Variants in GALNT17 observed in about 807,000 individuals in gnomAD.
GALNT17 encodes UDP-GalNAc:polypeptide N-acetylgalactosaminyltransferase-like 3.
Under a neutral mutation model 63.7 loss-of-function variants are expected in GALNT17, and 29 were observed. That is an observed-to-expected ratio of 0.46 (90% CI 0.34 to 0.62). The LOEUF (loss-of-function observed/expected upper bound fraction) is 0.62. GALNT17 is among the 20% of genes least tolerant of loss of function. The pLI is 0.01. For synonymous variants in GALNT17, 305 were observed against 318.3 expected (o/e 0.96, Z 0.45); for missense variants, 603 against 799.6 (o/e 0.75, Z 2.97).
intron 6 of GALNT17, among the ~76,000 whole-genome samples, chr7:71,610,300 G>C (rs1014311899): frequency 6.6e-6 from 1 of 152,022 alleles, no homozygotes; most frequent in African/African-American, 2.4e-5. Context: ...AGACCAACCT[G>C]GGCAACGTAG....
At chr7:71,245,390 C>T (rs780313095) in intron 1 of GALNT17, among the ~76,000 whole-genome samples, 12 of 152,124 alleles carry the variant, frequency 7.9e-5, no homozygotes, top group Non-Finnish European at 1.3e-4. Flanking sequence ...CTGTCATCCA[C>T]GGGTGTAAAG....
In GALNT17 at chr7:71,232,185, G is replaced by A. The variant is rs1922516; in HGVS notation, c.238+99145G>A. 7.0e-3 allele frequency among the ~76,000 whole-genome samples: 1,062 copies of A among 152,214 alleles called. 16 individuals carry two copies. Among genetic ancestry groups the A allele is most frequent in the African/African-American group, 0.023 (967 of 41,530 alleles). On this transcript the variant is annotated intron_variant, in intron 1 of 10. Coordinates refer to ENST00000333538, the MANE Select transcript of GALNT17 (RefSeq NM_022479.3). ...CATGAGTCATAAAGTGTGTGGATGCGCAGTCCTTCTCTCTGAGGGGATCTG... is the reference window on the plus strand; with the variant it reads ...CATGAGTCATAAAGTGTGTGGATGCACAGTCCTTCTCTCTGAGGGGATCTG...
intron 1 of GALNT17, among the ~76,000 whole-genome samples, chr7:71,308,020 T>G (rs1361603056): frequency 1.3e-5 from 2 of 151,822 alleles, no homozygotes. Context: ...AGGGGTCTTG[T>G]GTGTTTTCCA....
intron 1 of GALNT17, among the ~76,000 whole-genome samples, chr7:71,166,828 TC>T (rs1160773899): frequency 6.6e-6 from 1 of 152,116 alleles, no homozygotes; most frequent in Non-Finnish European, 1.5e-5. Context: ...GCTTTTTTTT[TC>T]CCCTAGGTAA....
intron 1 of GALNT17, among the ~76,000 whole-genome samples, chr7:71,309,103 T>C (rs1791365564): frequency 6.6e-6 from 1 of 152,140 alleles, no homozygotes; most frequent in Non-Finnish European, 1.5e-5. Flanking sequence ...GAGTCTGACT[T>C]GGACAGCTGA....
intron 1 of GALNT17, among the ~76,000 whole-genome samples, chr7:71,286,486 G>A (rs1310436065): frequency 6.6e-6 from 1 of 152,180 alleles, no homozygotes; most frequent in Non-Finnish European, 1.5e-5. Flanking sequence ...AGCCCTGTGA[G>A]CCAGACAGGG....
At chr7:71,514,283 G>T (rs1262302601) in intron 5 of GALNT17, among the ~76,000 whole-genome samples, 1 of 152,144 alleles carries the variant, frequency 6.6e-6, no homozygotes, top group Non-Finnish European at 1.5e-5. Flanking sequence ...GCGCAGCTGG[G>T]AACGATCAAG....
intron 1 of GALNT17, among the ~76,000 whole-genome samples, chr7:71,165,066 G>A (rs1788412038): frequency 6.6e-6 from 1 of 152,146 alleles, no homozygotes; most frequent in Admixed American, 6.5e-5. Context: ...AGAAGCTGAG[G>A]CTCATAAAAA....
intron 5 of GALNT17, among the ~76,000 whole-genome samples, chr7:71,452,220 G>C (rs1241244663): frequency 6.6e-6 from 1 of 151,742 alleles, no homozygotes; most frequent in Non-Finnish European, 1.5e-5. Context: ...TTCAGCCTGG[G>C]TGACAGAGTG....
chr7:71,535,037 A>G (rs1251002506), intron 5 of GALNT17, among the ~76,000 whole-genome samples: 1 of 152,072 alleles, frequency 6.6e-6, no homozygotes, highest in Non-Finnish European at 1.5e-5. Context: ...TCGTCCCCCA[A>G]AGTAGTAGGA....
intron 6 of GALNT17, among the ~76,000 whole-genome samples, chr7:71,615,187 A>C (rs925921800): frequency 2.0e-5 from 3 of 152,180 alleles, no homozygotes; most frequent in African/African-American, 7.2e-5. Context: ...CAGAGGCCCC[A>C]TTGCCAGTGC....
At position 71,391,278 on chromosome 7, in the gene GALNT17, G is replaced by T. The variant is rs2068591; in HGVS notation, c.589+2877G>T. Among the ~76,000 whole-genome samples, 47 of 152,214 alleles carry T rather than the reference G, an allele frequency of 3.1e-4. 4 individuals carry two copies. Among genetic ancestry groups the T allele is most frequent in the East Asian group, 2.9e-3 (15 of 5,162 alleles). ...GGGGTGAAGACTCACTGCCAATGGC[G>T]CACCCTCTCCTGAGGAAATCTAGGT... is the stretch of plus-strand genomic sequence containing the variant. On this transcript the variant is annotated intron_variant, in intron 3 of 10. Coordinates refer to ENST00000333538, the MANE Select transcript of GALNT17 (RefSeq NM_022479.3).
chr7:71,537,863 AGAG>A (rs1788825498), intron 5 of GALNT17, among the ~76,000 whole-genome samples: 2 of 152,168 alleles, frequency 1.3e-5, no homozygotes, highest in African/African-American at 4.8e-5. Flanking sequence ...ACACAGAGAC[AGAG>A]GAGAAGGCCA....
chr7:71,267,519 G>C (rs1790512848), intron 1 of GALNT17, among the ~76,000 whole-genome samples: 4 of 152,140 alleles, frequency 2.6e-5, no homozygotes, highest in African/African-American at 9.7e-5. Context: ...TCTTGCCTGT[G>C]TATTTTCAGA....
chr7:71,577,442 C>T (rs10950266), intron 6 of GALNT17, among the ~76,000 whole-genome samples: 51,575 of 152,018 alleles, frequency 0.34, 8,928 homozygotes, highest in African/African-American at 0.38. Context: ...CGCACACACA[C>T]GCAAAATTTT....
intron 5 of GALNT17, among the ~76,000 whole-genome samples, chr7:71,523,297 C>T (rs1051632066): frequency 9.9e-5 from 15 of 152,174 alleles, no homozygotes; most frequent in African/African-American, 3.1e-4. Context: ...GGCGTGGTGG[C>T]GCACGCCTGT....
At chr7:71,626,240 C>CAA (rs35227157) in intron 6 of GALNT17, among the ~76,000 whole-genome samples, 39,299 of 136,318 alleles carry the variant, frequency 0.29, 5,863 homozygotes, top group Non-Finnish European at 0.32. Flanking sequence ...AAGATTCTGT[C>CAA]AAAAAAAAAA....
At chr7:71,328,595 T>C (rs1791745096) in intron 1 of GALNT17, among the ~76,000 whole-genome samples, 1 of 151,912 alleles carries the variant, frequency 6.6e-6, no homozygotes, top group African/African-American at 2.4e-5. Context: ...CTCTTATTTA[T>C]CTTTGCCAAC....
intron 2 of GALNT17, among the ~76,000 whole-genome samples, chr7:71,386,507 A>G (rs931429158): frequency 2.0e-5 from 3 of 152,132 alleles, no homozygotes; most frequent in African/African-American, 7.2e-5. Flanking sequence ...CGTAAGCATG[A>G]AATGAAATTC....
Sources: allele counts gnomAD v4.1 joint callset (sites outside exome capture counted in the v4.1 genomes callset), GRCh38; gene constraint gnomAD v4.1.1; transcripts MANE v1.5; gene names NCBI Gene and HGNC (gene_info 2026-07-23, HGNC 2026-07-21).